SCN7A: variants seen among roughly 807,000 people sequenced by gnomAD.
SCN7A encodes sodium voltage-gated channel alpha subunit 7, also known as sodium channel protein type 7 subunit alpha.
SCN7A carries 138 observed loss-of-function variants against 155.2 expected under a neutral mutation model. The ratio of observed to expected loss-of-function variants is 0.89; its 90% CI spans 0.77 to 1.02. SCN7A has a LOEUF of 1.02. Among genes scored for constraint, SCN7A ranks in the 50% least tolerant of loss-of-function variants. The pLI, the probability that SCN7A is intolerant of heterozygous loss-of-function variation, is 0.00. For synonymous variants in SCN7A, 693 were observed against 649.0 expected, an observed-to-expected ratio of 1.07 and a Z score of -1.03; for missense variants, 2,058 against 1,986.6, an observed-to-expected ratio of 1.04 and a Z score of -0.68.
intron 12 of SCN7A, 81 bp from the exon 13 acceptor site, chr2:166,445,081 C>T (rs1476063395): frequency 3.8e-6 from 3 of 790,756 alleles, no homozygotes; most frequent in Non-Finnish European, 4.2e-6. Context: ...TTTGGGAAGC[C>T]GAGGTGGGTG....
intron 14 of SCN7A, among the ~76,000 whole-genome samples, chr2:166,443,200 C>G (rs1395701330): frequency 4.6e-5 from 7 of 152,090 alleles, no homozygotes; most frequent in Non-Finnish European, 8.8e-5. Context: ...TATTAGAATT[C>G]TACTTTGGAG....
chr2:166,409,536 C>A, intron 25 of SCN7A, 129 bp downstream of exon 25: 1 of 654,648 alleles, frequency 1.5e-6, no homozygotes, highest in South Asian at 2.6e-5. Context: ...AAGATCTCTA[C>A]CTGTTTTGCT....
In SCN7A at chr2:166,409,855, T is replaced by G. The variant is rs756276786; in HGVS notation, c.3792A>C (p.Gln1264His). The change falls in exon 25 of 26, where the codon CAA becomes CAC. Residue 1264 changes from glutamine (Q) to histidine (H), a missense_variant. Physicochemically the swap from Gln to His is conservative, Grantham distance 24. Transcript: ENST00000643258. ...CAGTGTCTATCATCATGGCTATTGCTTGGAAACATATAAGAACCATAACAA... is the reference window on the plus strand; with the variant it reads ...CAGTGTCTATCATCATGGCTATTGCGTGGAAACATATAAGAACCATAACAA... ...NVIVMVLICF[Q>H]AIAMMIDTDV... The G allele has an allele frequency of 3.8e-6, 6 of 1,570,442 alleles. No homozygotes were observed. The African/African-American group carries it at 6.8e-5, about 18-fold the overall frequency.
chr2:166,416,294 T>C (rs544702109), intron 21 of SCN7A, among the ~76,000 whole-genome samples: 3 of 152,280 alleles, frequency 2.0e-5, no homozygotes, highest in African/African-American at 4.8e-5. Context: ...CTCAGAAGCA[T>C]GTGATCTTTG....
At chr2:166,431,032 G>A (rs1445030902) in intron 16 of SCN7A, among the ~76,000 whole-genome samples, 1 of 151,978 alleles carries the variant, frequency 6.6e-6, no homozygotes, top group Non-Finnish European at 1.5e-5. Context: ...AATATTTACA[G>A]TTATTTTAAG....
chr2:166,461,877 C>G (rs77023832), intron 10 of SCN7A: 1 of 152,308 alleles, frequency 6.6e-6, no homozygotes, highest in East Asian at 1.9e-4. Flanking sequence ...ATCATGAGAT[C>G]AGGAGATCAA....
At chr2:166,432,252 G>T in intron 16 of SCN7A, 66 bp downstream of exon 16, 2 of 1,337,486 alleles carry the variant, frequency 1.5e-6, no homozygotes, top group South Asian at 2.9e-5. Context: ...CTTCGGCGCT[G>T]ATTTACTTCC....
Position 166,441,683 on chromosome 2 carries a change from A to T in SCN7A, c.1870T>A (p.Trp624Arg). Reference protein sequence around the residue: ...QILMWSLSNSWVALKDLVLLL... With the variant: ...QILMWSLSNSRVALKDLVLLL... ...AGGACCAAGTCTTTCAGGGCCACCC[A>T]TGAGTTACTAAGAGACCACATCAAA... is the stretch of plus-strand genomic sequence containing the variant. Residue 624 changes from tryptophan to arginine, a missense_variant, in exon 15 of 26, where the codon TGG becomes AGG. By Grantham distance (101) the Trp-to-Arg change is moderately radical. Transcript: ENST00000643258. The T allele has an allele frequency of 6.2e-7, 1 of 1,613,870 alleles. No homozygotes were observed. The highest frequency in any genetic ancestry group is 8.5e-7 in the Non-Finnish European group (1 of 1,179,786).
intron 10 of SCN7A, among the ~76,000 whole-genome samples, chr2:166,459,915 G>A (rs1702364952): frequency 6.6e-6 from 1 of 152,122 alleles, no homozygotes; most frequent in Non-Finnish European, 1.5e-5. Context: ...TCATAAATGG[G>A]AGTTGAATAA....
chr2:166,447,492 A>C, intron 12 of SCN7A, 120 bp downstream of exon 12: 1 of 614,894 alleles, frequency 1.6e-6, no homozygotes, highest in South Asian at 2.4e-5. Context: ...ATATTCTCAA[A>C]TATTTCTTAA....
chr2:166,458,751 A>T (rs1469063818), intron 10 of SCN7A, among the ~76,000 whole-genome samples: 1 of 152,188 alleles, frequency 6.6e-6, no homozygotes, highest in Admixed American at 6.5e-5. Flanking sequence ...GCCTAGGATC[A>T]ATAGGCTATA....
At chr2:166,433,137 G>T (rs1701769416) in intron 15 of SCN7A, among the ~76,000 whole-genome samples, 1 of 152,152 alleles carries the variant, frequency 6.6e-6, no homozygotes, top group African/African-American at 2.4e-5. Context: ...ACTGCTCAAG[G>T]TCATCGCCAA....
chr2:166,431,617 A>G lies in SCN7A; in HGVS notation c.2592+701T>C, dbSNP rs573648524. Among the ~76,000 whole-genome samples, 29 of 152,188 alleles carry G rather than the reference A, an allele frequency of 1.9e-4. No individual in the cohort carries two copies. The South Asian group carries it at 5.8e-3, about 30-fold the overall frequency. On this transcript the variant is annotated intron_variant, in intron 16 of 25. Transcript: ENST00000643258. The stretch of plus-strand genomic sequence containing the variant: ...CAAGCTGCTTGCAAATGGAGACAAT[A>G]AGACTGTTTCCAGTAGGGTGTATAT...
chr2:166,444,081 T>A (rs1702013347), intron 13 of SCN7A, among the ~76,000 whole-genome samples: 1 of 152,200 alleles, frequency 6.6e-6, no homozygotes, highest in African/African-American at 2.4e-5. Context: ...CAGAAATCAC[T>A]AAATTGCTGT....
intron 3 of SCN7A, among the ~76,000 whole-genome samples, chr2:166,474,726 A>T (rs1702741533): frequency 6.6e-6 from 1 of 151,730 alleles, no homozygotes; most frequent in African/African-American, 2.4e-5. Context: ...ATGAATGTTA[A>T]AAGTTCGATT....
intron 21 of SCN7A, among the ~76,000 whole-genome samples, chr2:166,413,981 G>GTGTGTATATATATA (rs1553513525): frequency 1.9e-4 from 10 of 53,526 alleles, no homozygotes; most frequent in Non-Finnish European, 3.5e-4. Context: ...ATGTGTATGT[G>GTGTGTATATATATA]TATATATATA....
At chr2:166,425,286 G>A (rs988800164) in intron 18 of SCN7A, among the ~76,000 whole-genome samples, 2 of 152,076 alleles carry the variant, frequency 1.3e-5, no homozygotes, top group African/African-American at 4.8e-5. Flanking sequence ...TTCATACAGT[G>A]GCCTGGGAAG....
intron 10 of SCN7A, among the ~76,000 whole-genome samples, chr2:166,459,431 C>A (rs1702354086): frequency 6.6e-6 from 1 of 152,138 alleles, no homozygotes; most frequent in Non-Finnish European, 1.5e-5. Flanking sequence ...ATTAGCTATA[C>A]TGTAAACATA....
chr2:166,415,329 A>C (rs1440945943), intron 21 of SCN7A, among the ~76,000 whole-genome samples: 1 of 149,806 alleles, frequency 6.7e-6, no homozygotes, highest in Non-Finnish European at 1.5e-5. Flanking sequence ...GGTTCAAGGG[A>C]TTCTCCTGCC....
Sources: allele counts gnomAD v4.1 joint callset (sites outside exome capture counted in the v4.1 genomes callset), GRCh38; gene constraint gnomAD v4.1.1; transcripts MANE v1.5; gene names NCBI Gene and HGNC (gene_info 2026-07-23, HGNC 2026-07-21).